The following EYS variants were observed in gnomAD, a reference collection of about 807,000 sequenced individuals.
EYS encodes protein eyes shut homolog.
In EYS, 250 loss-of-function variants were observed where a neutral mutation model predicts 282.1. The ratio of observed to expected loss-of-function variants is 0.89; its 90% CI spans 0.80 to 0.98. EYS has a LOEUF of 0.98. Among genes scored for constraint, EYS ranks in the 50% least tolerant of loss-of-function variants. The probability of loss-of-function intolerance (pLI) is 0.00; values close to 1 mark genes in which losing one functional copy is unlikely to be tolerated. For synonymous variants in EYS, 1,355 were observed against 1,282.9 expected (o/e 1.06, Z -1.20); for missense variants, 4,016 against 3,709.0 (o/e 1.08, Z -2.15).
At chr6:64,234,478 C>G (rs1025410046) in intron 30 of EYS, among the ~76,000 whole-genome samples, 1 of 151,996 alleles carries the variant, frequency 6.6e-6, no homozygotes, top group African/African-American at 2.4e-5. Flanking sequence ...CAGTTTGTAA[C>G]TGATATATTT....
intron 33 of EYS, among the ~76,000 whole-genome samples, chr6:64,056,217 C>T (rs1415616615): frequency 1.3e-5 from 2 of 152,178 alleles, no homozygotes; most frequent in Non-Finnish European, 2.9e-5. Context: ...CTCCATGGCA[C>T]AGACTGTTTC....
intron 1 of EYS, among the ~76,000 whole-genome samples, chr6:65,640,200 T>C (rs2149813093): frequency 6.6e-6 from 1 of 152,320 alleles, no homozygotes; most frequent in East Asian, 1.9e-4. Context: ...GAATAATGCT[T>C]TTCCCATTCC....
rs764272568 is a variant in EYS at position 64,439,403 on chromosome 6, C to A, written c.5645-51G>T. On this transcript the variant is annotated intron_variant, in intron 26 of 42. Coordinates refer to ENST00000503581, the MANE Select transcript of EYS (RefSeq NM_001142800.2). ...TTTAGGTTGAAATAAATATTCAATACCTAGGTTTCACATTATTAACATAGC... is the reference window on the plus strand; with the variant it reads ...TTTAGGTTGAAATAAATATTCAATAACTAGGTTTCACATTATTAACATAGC... The A allele has an allele frequency of 1.4e-4, 176 of 1,222,954 alleles. No homozygotes were observed. In the Middle Eastern group the frequency reaches 1.7e-3, roughly 12 times the overall value. 75.8% of individuals were successfully genotyped at this position (1,222,954 alleles called of 1,614,324 possible). A position where few individuals can be genotyped will look rare whatever the true frequency, so the allele number is the denominator to read the frequency against.
intron 28 of EYS, among the ~76,000 whole-genome samples, chr6:64,411,899 GTATATA>G (rs756036566): frequency 6.6e-6 from 1 of 150,968 alleles, no homozygotes; most frequent in Non-Finnish European, 1.5e-5. Flanking sequence ...ACATATATAT[GTATATA>G]TGTTTATATA....
In EYS at chr6:65,353,596, T is replaced by G. The variant is rs1308471912; in HGVS notation, c.1321A>C (p.Thr441Pro). The change falls in exon 9 of 43, where the codon ACA becomes CCA. Residue 441 changes from threonine (T) to proline (P), a missense_variant. Coordinates refer to ENST00000503581, the MANE Select transcript of EYS (RefSeq NM_001142800.2). ...RFKYVCIPGCTKNPCWFLKNV... is the reference protein window; with the variant it reads ...RFKYVCIPGCPKNPCWFLKNV... ...TTCAAAAACCAACATGGATTTTTTGTGCACCCTGGAATGCATACATACTGC... is the reference window on the plus strand; with the variant it reads ...TTCAAAAACCAACATGGATTTTTTGGGCACCCTGGAATGCATACATACTGC... 2 of 1,612,972 alleles carry G rather than the reference T, an allele frequency of 1.2e-6. No individual in the cohort carries two copies. The highest frequency in any genetic ancestry group is 1.3e-5 in the African/African-American group (1 of 74,892).
intron 29 of EYS, among the ~76,000 whole-genome samples, chr6:64,326,923 C>T (rs2150387929): frequency 6.6e-6 from 1 of 152,250 alleles, no homozygotes; most frequent in Admixed American, 6.5e-5. Context: ...GGCATGATGA[C>T]TAGTCCAACC....
intron 2 of EYS, among the ~76,000 whole-genome samples, chr6:65,567,316 A>G (rs1031575358): frequency 1.3e-5 from 2 of 150,144 alleles, no homozygotes; most frequent in Non-Finnish European, 3.0e-5. Context: ...AATATAAGTT[A>G]CCTGTTCTAA....
intron 22 of EYS, among the ~76,000 whole-genome samples, chr6:64,737,091 C>A (rs919944016): frequency 1.3e-5 from 2 of 152,076 alleles, no homozygotes; most frequent in African/African-American, 2.4e-5. Context: ...TGAATCTAGG[C>A]ACATAAAAGA....
chr6:64,608,601 A>G (rs1468887387), intron 24 of EYS, among the ~76,000 whole-genome samples: 1 of 152,098 alleles, frequency 6.6e-6, no homozygotes, highest in Admixed American at 6.6e-5. Flanking sequence ...CACACAAAAA[A>G]CTCCACAAGA....
At chr6:64,332,756 C>T (rs1770694162) in intron 29 of EYS, among the ~76,000 whole-genome samples, 1 of 152,154 alleles carries the variant, frequency 6.6e-6, no homozygotes, top group South Asian at 2.1e-4. Context: ...AGTCACACAA[C>T]TGGAAGCTGA....
chr6:65,218,860 G>C (rs934356605), intron 12 of EYS, among the ~76,000 whole-genome samples: 5 of 152,078 alleles, frequency 3.3e-5, no homozygotes, highest in Non-Finnish European at 5.9e-5. Context: ...TGGTCGGGTA[G>C]AGAAGAGAAA....
At chr6:64,598,200 C>T (rs1041713542) in intron 24 of EYS, among the ~76,000 whole-genome samples, 1 of 152,210 alleles carries the variant, frequency 6.6e-6, no homozygotes, top group Non-Finnish European at 1.5e-5. Flanking sequence ...GTGGCTCACG[C>T]CTGTAATCCC....
chr6:65,181,279 A>C (rs1210991252), intron 12 of EYS, among the ~76,000 whole-genome samples: 3 of 151,990 alleles, frequency 2.0e-5, no homozygotes, highest in African/African-American at 7.2e-5. Flanking sequence ...CAACCTACAG[A>C]GTGGGAGAAA....
At chr6:64,409,844 A>G (rs774258603) in intron 28 of EYS, among the ~76,000 whole-genome samples, 11 of 152,010 alleles carry the variant, frequency 7.2e-5, no homozygotes, top group Admixed American at 3.9e-4. Context: ...TGATAAATCT[A>G]AATTTTTTTA....
chr6:64,687,296 G>T (rs1770190150), intron 22 of EYS, among the ~76,000 whole-genome samples: 1 of 151,912 alleles, frequency 6.6e-6, no homozygotes, highest in Non-Finnish European at 1.5e-5. Context: ...TATTATATTA[G>T]AAAATTAAAT....
chr6:64,777,601 A>G (rs1202014311), intron 22 of EYS, among the ~76,000 whole-genome samples: 2 of 152,168 alleles, frequency 1.3e-5, no homozygotes, highest in East Asian at 3.8e-4. Context: ...AGATCACAGC[A>G]AAGTTGTTAC....
chr6:64,869,385 C>T (rs1766522249), intron 19 of EYS, among the ~76,000 whole-genome samples: 1 of 151,364 alleles, frequency 6.6e-6, no homozygotes, highest in Non-Finnish European at 1.5e-5. Flanking sequence ...AAGTCCCTGC[C>T]CTCATGGAAC....
intron 13 of EYS, among the ~76,000 whole-genome samples, chr6:65,030,975 A>C (rs1772584431): frequency 6.6e-6 from 1 of 152,124 alleles, no homozygotes; most frequent in Admixed American, 6.5e-5. Context: ...GGCAAATGGA[A>C]AACAAAAAAG....
intron 13 of EYS, among the ~76,000 whole-genome samples, chr6:65,022,072 A>G (rs1772267090): frequency 6.6e-6 from 1 of 152,246 alleles, no homozygotes; most frequent in South Asian, 2.1e-4. Flanking sequence ...GCCAAATCAT[A>G]TCAGTAATAA....
Sources: gnomAD v4.1 joint callset for allele counts (sites outside exome capture counted in the v4.1 genomes callset) on GRCh38, gnomAD v4.1.1 for gene constraint, MANE v1.5 for transcripts, NCBI Gene and HGNC (gene_info 2026-07-23, HGNC 2026-07-21) for gene names.